The following SLFN12L variants were observed in gnomAD, a reference collection of about 807,000 sequenced individuals.
SLFN12L encodes the protein schlafen family member 12 like, also known as schlafen family member 12-like.
Under a neutral mutation model 34.8 loss-of-function variants are expected in SLFN12L, and 34 were observed. That is an observed-to-expected ratio of 0.98 (90% CI 0.74 to 1.30). The LOEUF is 1.30. Ranked by LOEUF, SLFN12L falls within the 50% of genes most tolerant of loss-of-function variation. The probability of loss-of-function intolerance (pLI) is 0.00; values close to 1 mark genes in which losing one functional copy is unlikely to be tolerated. For synonymous variants in SLFN12L, 259 were observed against 247.5 expected (o/e 1.05, Z -0.44); for missense variants, 703 against 696.2 (o/e 1.01, Z -0.11).
chr17:35,479,941 T>C lies in SLFN12L; in HGVS notation c.341A>G (p.Lys114Arg). 1 of 1,614,184 alleles carries C rather than the reference T, an allele frequency of 6.2e-7. No homozygotes were observed. The highest frequency in any genetic ancestry group is 1.1e-5 in the South Asian group (1 of 91,072). Reference sequence around the variant, plus strand: ...TTCCAAATCTAGCCCTATTCCATCTTTTTTATAACTATAGCCTTTATTCTC... The same window carrying C: ...TTCCAAATCTAGCCCTATTCCATCTCTTTTATAACTATAGCCTTTATTCTC... ...EVENKGYSYKKDGIGLDLENS... is the reference protein window; with the variant it reads ...EVENKGYSYKRDGIGLDLENS... The change falls in exon 3 of 5, where the codon AAA becomes AGA. Residue 114 changes from lysine (K) to arginine (R), a missense_variant. Coordinates refer to ENST00000628453, the MANE Select transcript of SLFN12L (RefSeq NM_001363830.2).
chr17:35,523,495 C>T (rs1402289251), intron 1 of SLFN12L, among the ~76,000 whole-genome samples: 1 of 152,092 alleles, frequency 6.6e-6, no homozygotes, highest in Non-Finnish European at 1.5e-5. Context: ...ACTAGGAGAC[C>T]CTTGAAGCTA....
At chr17:35,526,007 G>C (rs2072330977) in intron 1 of SLFN12L, among the ~76,000 whole-genome samples, 1 of 152,176 alleles carries the variant, frequency 6.6e-6, no homozygotes, top group African/African-American at 2.4e-5. Context: ...TAAAGGGATG[G>C]AGGAATATTT....
intron 2 of SLFN12L, among the ~76,000 whole-genome samples, chr17:35,481,331 A>T (rs949730759): frequency 6.6e-6 from 1 of 152,236 alleles, no homozygotes; most frequent in African/African-American, 2.4e-5. Context: ...GCCTGCCCGC[A>T]GCCATCTGGA....
chr17:35,503,784 C>T (rs989504462), intron 2 of SLFN12L, among the ~76,000 whole-genome samples: 6 of 152,036 alleles, frequency 3.9e-5, no homozygotes, highest in Admixed American at 3.9e-4. Flanking sequence ...CCCGCACCAG[C>T]CTGAAGATCA....
At chr17:35,495,924 C>G (rs994333841) in intron 2 of SLFN12L, among the ~76,000 whole-genome samples, 13 of 151,250 alleles carry the variant, frequency 8.6e-5, no homozygotes, top group African/African-American at 2.9e-4. Context: ...CACACACACA[C>G]ACACACACAC....
rs77326900 is a variant in SLFN12L, at chr17:35,468,024, C to T, written c.*6899G>A. On this transcript the variant is annotated 3_prime_UTR_variant, in exon 5 of 5. Coordinates refer to ENST00000628453, the MANE Select transcript of SLFN12L (RefSeq NM_001363830.2). Reference sequence around the variant, plus strand: ...TCCTGGGTTCAGACAATCCTCTCACCTCAGCCTCCTGAGAAGCTGCGACCA... The same window carrying T: ...TCCTGGGTTCAGACAATCCTCTCACTTCAGCCTCCTGAGAAGCTGCGACCA... Among the ~76,000 whole-genome samples, 1 of 152,180 alleles carries T rather than the reference C, an allele frequency of 6.6e-6. No homozygotes were observed. The highest frequency in any genetic ancestry group is 2.4e-5 in the African/African-American group (1 of 41,448).
At chr17:35,478,312 T>A in intron 3 of SLFN12L, 127 bp from the exon 4 acceptor site, 1 of 597,118 alleles carries the variant, frequency 1.7e-6, no homozygotes, top group Non-Finnish European at 2.9e-6. Context: ...TACAGAACAT[T>A]AGATATTGTG....
chr17:35,478,442 T>A (rs761984083), intron 3 of SLFN12L: 2 of 263,202 alleles, frequency 7.6e-6, no homozygotes, highest in Non-Finnish European at 1.4e-5. Context: ...GATAGCAATT[T>A]AATACATTGC....
chr17:35,523,045 G>T, intron 1 of SLFN12L, 76 bp from the exon 2 acceptor site: 1 of 339,662 alleles, frequency 2.9e-6, no homozygotes, highest in Non-Finnish European at 5.3e-6. Flanking sequence ...ATAATTAACT[G>T]ATTAATATAT....
At chr17:35,495,558 A>G (rs930651617) in intron 2 of SLFN12L, among the ~76,000 whole-genome samples, 1 of 152,120 alleles carries the variant, frequency 6.6e-6, no homozygotes, top group Non-Finnish European at 1.5e-5. Context: ...CCCCAGGGCA[A>G]CGGCCTTGGA....
intron 2 of SLFN12L, among the ~76,000 whole-genome samples, chr17:35,482,853 G>A (rs1914402734): frequency 6.6e-6 from 1 of 152,184 alleles, no homozygotes; most frequent in Admixed American, 6.5e-5. Context: ...GCTGTAGACT[G>A]TGGGGACTTG....
At chr17:35,501,541 TGC>T (rs1179626677) in intron 2 of SLFN12L, among the ~76,000 whole-genome samples, 7 of 152,222 alleles carry the variant, frequency 4.6e-5, no homozygotes, top group African/African-American at 1.4e-4. Context: ...ACTGTAAAAG[TGC>T]GTGTGTGCCC....
At chr17:35,535,041 C>G (rs1255851737) in intron 1 of SLFN12L, among the ~76,000 whole-genome samples, 1 of 152,166 alleles carries the variant, frequency 6.6e-6, no homozygotes, top group Non-Finnish European at 1.5e-5. Flanking sequence ...TCATTGCTTT[C>G]TCACAACAAA....
At chr17:35,498,644 T>C in intron 2 of SLFN12L, 2 of 1,609,870 alleles carry the variant, frequency 1.2e-6, no homozygotes, top group Non-Finnish European at 1.7e-6. Context: ...TACAGACCAC[T>C]CAAACCATCC....
At chr17:35,485,184 A>T (rs528416543) in intron 2 of SLFN12L, among the ~76,000 whole-genome samples, 2 of 151,956 alleles carry the variant, frequency 1.3e-5, no homozygotes, top group Non-Finnish European at 2.9e-5. Flanking sequence ...TTTTTCATTA[A>T]TTTTTTCCTA....
chr17:35,494,889 TTTTATTTATTTATTTA>T (rs3087173), intron 2 of SLFN12L, among the ~76,000 whole-genome samples: 5 of 146,842 alleles, frequency 3.4e-5, no homozygotes, highest in Admixed American at 2.0e-4. Flanking sequence ...AATTTATTTA[TTTTATTTATTTATTTA>T]TTTATTTATT....
chr17:35,518,627 G>A (rs916735149), intron 2 of SLFN12L, among the ~76,000 whole-genome samples: 8 of 149,844 alleles, frequency 5.3e-5, no homozygotes, highest in Admixed American at 4.0e-4. Context: ...TTAGAGAAAA[G>A]CAAATCAAAA....
At chr17:35,486,560 T>A (rs2142136046) in intron 2 of SLFN12L, among the ~76,000 whole-genome samples, 1 of 152,246 alleles carries the variant, frequency 6.6e-6, no homozygotes, top group Non-Finnish European at 1.5e-5. Flanking sequence ...AACCTCAGGC[T>A]TCAGGCATAC....
chr17:35,510,255 T>A (rs1408932089), intron 2 of SLFN12L: 1 of 152,208 alleles, frequency 6.6e-6, no homozygotes, highest in Non-Finnish European at 1.5e-5. Context: ...CTTCTAGACA[T>A]AAATCCAAGA....
Sources: gnomAD v4.1 joint callset for allele counts (sites outside exome capture counted in the v4.1 genomes callset) on GRCh38, gnomAD v4.1.1 for gene constraint, MANE v1.5 for transcripts, NCBI Gene and HGNC (gene_info 2026-07-23, HGNC 2026-07-21) for gene names.